The following LYRM4 variants were observed in gnomAD, a reference collection of about 807,000 sequenced individuals.
LYRM4 encodes LYR motif containing 4, also known as LYR motif-containing protein 4.
A neutral mutation model predicts 11.7 loss-of-function variants in LYRM4; 9 were observed. The observed-to-expected ratio is 0.77, with a 90% CI of 0.46 to 1.34. The LOEUF (loss-of-function observed/expected upper bound fraction) is 1.34, where lower values mean the gene tolerates loss of function less well. Ranked by LOEUF, LYRM4 falls within the 40% of genes most tolerant of loss-of-function variation. LYRM4 has a pLI of 0.00. For missense variants in LYRM4, 133 were observed against 112.5 expected (o/e 1.18, Z -0.82); for synonymous variants, 42 against 40.4 (o/e 1.04, Z -0.15).
At chr6:5,067,507 G>T in the LYRM4 span, among the ~76,000 whole-genome samples, 3 of 152,190 alleles carry the variant, frequency 2.0e-5, no homozygotes, top group Non-Finnish European at 4.4e-5. Context: ...CAACATGGCG[G>T]CCAGCTTCCT....
the LYRM4 span, among the ~76,000 whole-genome samples, chr6:5,094,101 A>G: frequency 2.6e-5 from 4 of 152,210 alleles, no homozygotes; most frequent in East Asian, 7.7e-4. Context: ...ACTATTGTGG[A>G]TGGTGTATTT....
rs1015611069 is a variant in LYRM4, at chr6:5,251,560, A to C, written c.86+9088T>G. On this transcript the variant is annotated intron_variant, in intron 1 of 2. Coordinates refer to ENST00000330636, the MANE Select transcript of LYRM4 (RefSeq NM_020408.6). ...GGAAGGAGATGCCACATACTTTAAA[A>C]CAACCGGATCTCATGAGAACTCACT... Among the ~76,000 whole-genome samples, 11 of 152,290 alleles carry C rather than the reference A, an allele frequency of 7.2e-5. No individual in the cohort carries two copies. In the East Asian group the frequency reaches 1.9e-3, roughly 27 times the overall value.
At chr6:5,103,652 T>G (rs1762571454), downstream of LYRM4, 1 of 138,588 alleles carries the variant, frequency 7.2e-6, no homozygotes, top group Non-Finnish European at 1.6e-5. Context: ...TTTTTTTTTT[T>G]TGAGACAAGA....
rs77439004 is a variant in LYRM4 at position 5,203,752 on chromosome 6, T to C, written c.207+12866A>G. ...TAACAAGAACAGCATGCCGAGAGCC[T>C]GCAGCTGGGCAGGGCCCCTCGTGTT... On this transcript the variant is annotated intron_variant, in intron 2 of 2. Transcript: ENST00000330636. 7.0e-4 allele frequency among the ~76,000 whole-genome samples: 107 copies of C among 152,322 alleles called. No individual in the cohort carries two copies. The East Asian group carries it at 0.014, about 20-fold the overall frequency.
chr6:5,199,284 G>C (rs745979776), intron 2 of LYRM4, among the ~76,000 whole-genome samples: 7 of 152,216 alleles, frequency 4.6e-5, no homozygotes, highest in Non-Finnish European at 1.0e-4. Flanking sequence ...ATTACGCTAA[G>C]TGAAAGAGGC....
At chr6:5,205,062 G>A (rs944241633) in intron 2 of LYRM4, among the ~76,000 whole-genome samples, 1 of 151,948 alleles carries the variant, frequency 6.6e-6, no homozygotes, top group Non-Finnish European at 1.5e-5. Context: ...AAGGCACTGG[G>A]GATCACAGTG....
At chr6:5,158,077 G>GA (rs1051952406) in intron 2 of LYRM4, among the ~76,000 whole-genome samples, 1 of 152,028 alleles carries the variant, frequency 6.6e-6, no homozygotes, top group Non-Finnish European at 1.5e-5. Flanking sequence ...AAGAACAAAA[G>GA]AAAAAAAGGA....
intron 2 of LYRM4, among the ~76,000 whole-genome samples, chr6:5,117,282 C>T (rs959939149): frequency 1.4e-4 from 22 of 152,188 alleles, no homozygotes; most frequent in African/African-American, 4.1e-4. Context: ...ATGGGCGGGG[C>T]GCGGTGGCTC....
intron 2 of LYRM4, among the ~76,000 whole-genome samples, chr6:5,173,944 T>C (rs1759572215): frequency 6.6e-6 from 1 of 152,158 alleles, no homozygotes; most frequent in Non-Finnish European, 1.5e-5. Context: ...ATCTGTGAAG[T>C]GACACTGGAA....
chr6:5,080,769 G>T, the LYRM4 span, among the ~76,000 whole-genome samples: 1 of 152,096 alleles, frequency 6.6e-6, no homozygotes, highest in African/African-American at 2.4e-5. Flanking sequence ...TCTAGGAAGG[G>T]TCCAGGACCA....
At chr6:5,037,593 G>A in the LYRM4 span, among the ~76,000 whole-genome samples, 27 of 80,618 alleles carry the variant, frequency 3.3e-4, no homozygotes, top group South Asian at 1.5e-3. Context: ...CGGCCGGGCA[G>A]AGGCGCCCCT....
intron 2 of LYRM4, among the ~76,000 whole-genome samples, chr6:5,154,798 G>A (rs575698254): frequency 3.9e-5 from 6 of 152,174 alleles, no homozygotes; most frequent in African/African-American, 9.6e-5. Context: ...CAGCCTGGGC[G>A]ACAGAGCGAG....
At chr6:5,045,571 T>C in the LYRM4 span, among the ~76,000 whole-genome samples, 2 of 152,246 alleles carry the variant, frequency 1.3e-5, no homozygotes, top group African/African-American at 4.8e-5. Context: ...TTACCACGAT[T>C]TGTAAAAGAG....
In LYRM4 at chr6:5,161,657, T is replaced by C. The variant is rs1442025115; in HGVS notation, c.208-52166A>G. Among the ~76,000 whole-genome samples the C allele has an allele frequency of 2.6e-5, 4 of 152,212 alleles. No individual in the cohort carries two copies. In the South Asian group the frequency reaches 6.2e-4, roughly 24 times the overall value. ...CATGACAGTATATCTGTATTCACAA[T>C]AGCATTTAAGAAATAAAAATTAAAA... On this transcript the variant is annotated intron_variant, in intron 2 of 2. Transcript: ENST00000330636.
At chr6:5,050,782 C>CA in the LYRM4 span, among the ~76,000 whole-genome samples, 55 of 151,942 alleles carry the variant, frequency 3.6e-4, no homozygotes, top group African/African-American at 1.2e-3. Flanking sequence ...CAGTTTTCAG[C>CA]AAAAAAATCA....
At chr6:5,084,139 G>A in the LYRM4 span, among the ~76,000 whole-genome samples, 2 of 152,356 alleles carry the variant, frequency 1.3e-5, no homozygotes, top group African/African-American at 4.8e-5. Context: ...CTGGGAGTGG[G>A]GCCCTGTGAT....
At chr6:5,192,572 A>G (rs79423636) in intron 2 of LYRM4, among the ~76,000 whole-genome samples, 2,698 of 152,288 alleles carry the variant, frequency 0.018, 75 homozygotes, top group African/African-American at 0.061. Flanking sequence ...TGTGCTCATT[A>G]GCACAGGACA....
chr6:5,254,081 T>C (rs917640570), intron 1 of LYRM4, among the ~76,000 whole-genome samples: 4 of 152,190 alleles, frequency 2.6e-5, no homozygotes, highest in African/African-American at 9.7e-5. Context: ...CCGGCAAAAC[T>C]GTTTCATCTG....
the LYRM4 span, among the ~76,000 whole-genome samples, chr6:5,036,748 G>A: frequency 1.3e-5 from 2 of 152,298 alleles, no homozygotes; most frequent in Middle Eastern, 6.8e-3. Context: ...CCCTCTAAAT[G>A]AGCTTCCCTT....
Sources: allele counts gnomAD v4.1 joint callset (sites outside exome capture counted in the v4.1 genomes callset), GRCh38; gene constraint gnomAD v4.1.1; transcripts MANE v1.5; gene names NCBI Gene and HGNC (gene_info 2026-07-23, HGNC 2026-07-21).